The following NRXN3 variants were observed in gnomAD, a reference collection of about 807,000 sequenced individuals.
NRXN3 encodes the protein neurexin III.
NRXN3 carries 32 observed loss-of-function variants against 137.6 expected under a neutral mutation model. That is an observed-to-expected ratio of 0.23 (90% CI 0.18 to 0.31). NRXN3 has a LOEUF of 0.31. Ranked by LOEUF, NRXN3 falls within the 10% of genes least tolerant of loss-of-function variation. The probability of loss-of-function intolerance (pLI) is 1.00; values close to 1 mark genes in which losing one functional copy is unlikely to be tolerated. For missense variants in NRXN3, 1,574 were observed against 2,062.5 expected (o/e 0.76, Z 4.59); for synonymous variants, 798 against 784.5 (o/e 1.02, Z -0.29).
chr14:78,778,715 T>TC (rs1491300055), intron 8 of NRXN3, among the ~76,000 whole-genome samples: 3 of 149,654 alleles, frequency 2.0e-5, no homozygotes, highest in African/African-American at 7.4e-5. Flanking sequence ...TCTTTCTTTC[T>TC]TTCTTTCTTT....
intron 10 of NRXN3, among the ~76,000 whole-genome samples, chr14:78,812,821 T>C (rs1170374262): frequency 1.3e-5 from 2 of 152,200 alleles, no homozygotes; most frequent in South Asian, 2.1e-4. Flanking sequence ...GTTTTTGAGA[T>C]TTTCACAATA....
At chr14:78,426,936 A>T (rs959187426) in intron 4 of NRXN3, among the ~76,000 whole-genome samples, 6 of 152,298 alleles carry the variant, frequency 3.9e-5, no homozygotes, top group African/African-American at 1.4e-4. Flanking sequence ...GATTTGGAAT[A>T]AACATGTTCA....
Position 79,861,645 on chromosome 14 carries a change from T to C in NRXN3, c.4397T>C (p.Phe1466Ser). 6.2e-7 allele frequency: 1 copy of C among 1,614,070 alleles called. No individual in the cohort carries two copies. Among genetic ancestry groups the C allele is most frequent in the Non-Finnish European group, 8.5e-7 (1 of 1,180,032 alleles). The stretch of plus-strand genomic sequence containing the variant: ...AGCCCACTAATTACTTCCCCCATGT[T>C]CCGTAATGTGCCCACAGCAAACCCC... ...LKSPLITSPM[F>S]RNVPTANPTE... Residue 1466 changes from phenylalanine (F) to serine (S), a missense_variant, in exon 21 of 21, where the codon TTC becomes TCC. Physicochemically the swap from Phe to Ser is radical, Grantham distance 155. Around this residue, in one of 5 missense-constraint regions of NRXN3, gnomAD observed 320 missense variants for 387.1 expected, o/e 0.83. Transcript: ENST00000335750. This position sits in a 1 kb window ranked among gnomAD's most constrained non-coding sequence, Gnocchi z 5.4.
chr14:79,214,185 C>T (rs567417828), intron 15 of NRXN3, among the ~76,000 whole-genome samples: 1 of 152,304 alleles, frequency 6.6e-6, no homozygotes, highest in East Asian at 1.9e-4. Flanking sequence ...TTACATATTA[C>T]TCTCTCATAG....
At chr14:78,366,848 C>T (rs941962810) in intron 4 of NRXN3, among the ~76,000 whole-genome samples, 3 of 152,188 alleles carry the variant, frequency 2.0e-5, no homozygotes, top group East Asian at 1.9e-4. Flanking sequence ...GAGATCTGGG[C>T]GTGGACACAG....
chr14:78,758,808 A>G (rs1420272652), intron 8 of NRXN3, among the ~76,000 whole-genome samples: 1 of 152,220 alleles, frequency 6.6e-6, no homozygotes, highest in East Asian at 1.9e-4. Flanking sequence ...CATAAAGCCT[A>G]GAGTGGTGGG....
intron 4 of NRXN3, among the ~76,000 whole-genome samples, chr14:78,576,886 C>T (rs2096941492): frequency 6.6e-6 from 1 of 152,146 alleles, no homozygotes; most frequent in African/African-American, 2.4e-5. Context: ...AAGGGCTGAA[C>T]CAACCCCACT....
At position 79,549,759 on chromosome 14, in the gene NRXN3, G is replaced by T. The variant is rs537047128; in HGVS notation, c.3444+82357G>T. On this transcript the variant is annotated intron_variant, in intron 16 of 20. Transcript: ENST00000335750. ...TGCAGACTCATTACTAACAAAAGTG[G>T]TATGTCCATTATTATGACCTATTTA... Among the ~76,000 whole-genome samples the T allele has an allele frequency of 1.9e-4, 29 of 152,158 alleles. No homozygotes were observed. In the South Asian group the frequency reaches 5.2e-3, roughly 27 times the overall value.
chr14:78,796,005 C>CAGTCTAGGGCTACAGTTCAACCCCAGA (rs1416907667), intron 8 of NRXN3, among the ~76,000 whole-genome samples: 4 of 152,344 alleles, frequency 2.6e-5, no homozygotes, highest in Non-Finnish European at 4.4e-5. Flanking sequence ...TGCCAGTTAT[C>CAGTCTAGGGCTACAGTTCAACCCCAGA]AGTCTAGGGC....
intron 19 of NRXN3, among the ~76,000 whole-genome samples, chr14:79,747,569 G>A (rs1006340684): frequency 1.3e-5 from 2 of 152,056 alleles, no homozygotes; most frequent in Non-Finnish European, 2.9e-5. Flanking sequence ...CAAAGGACAA[G>A]GACTGATCTA....
intron 19 of NRXN3, among the ~76,000 whole-genome samples, chr14:79,728,899 T>C (rs1162214150): frequency 6.6e-6 from 1 of 152,162 alleles, no homozygotes; most frequent in Admixed American, 6.5e-5. Context: ...AGATGCCAAA[T>C]TGTAACATTG....
chr14:78,548,260 G>T (rs2096654739), intron 4 of NRXN3, among the ~76,000 whole-genome samples: 1 of 142,160 alleles, frequency 7.0e-6, no homozygotes, highest in African/African-American at 2.5e-5. Context: ...AAGCTATCTG[G>T]ATATAAGTAT....
chr14:78,591,754 G>C (rs1402305039), intron 4 of NRXN3, among the ~76,000 whole-genome samples: 1 of 152,166 alleles, frequency 6.6e-6, no homozygotes, highest in Non-Finnish European at 1.5e-5. Flanking sequence ...GTGCCTATAA[G>C]AGTAGATACC....
chr14:78,426,160 G>A (rs898847631), intron 4 of NRXN3, among the ~76,000 whole-genome samples: 1 of 152,184 alleles, frequency 6.6e-6, no homozygotes, highest in African/African-American at 2.4e-5. Flanking sequence ...CAAAGGCCAG[G>A]TGGGAGAGGA....
intron 15 of NRXN3, among the ~76,000 whole-genome samples, chr14:79,061,135 A>G (rs1046862508): frequency 6.6e-6 from 1 of 152,244 alleles, no homozygotes; most frequent in African/African-American, 2.4e-5. Context: ...TGATTAATTA[A>G]TTCAATAAGA....
intron 4 of NRXN3, among the ~76,000 whole-genome samples, chr14:78,498,730 C>T (rs374651863): frequency 9.9e-5 from 15 of 152,090 alleles, no homozygotes; most frequent in East Asian, 5.8e-4. Flanking sequence ...TTTAGAAGCA[C>T]GTGAGAAGTA....
chr14:79,841,774 A>G (rs1456076588), intron 20 of NRXN3, among the ~76,000 whole-genome samples: 3 of 152,214 alleles, frequency 2.0e-5, no homozygotes. Context: ...TGCATATTCC[A>G]ATACCTGTTT....
chr14:79,560,911 T>G (rs979851458), intron 16 of NRXN3, among the ~76,000 whole-genome samples: 1 of 152,116 alleles, frequency 6.6e-6, no homozygotes, highest in South Asian at 2.1e-4. Flanking sequence ...TGGCCCTGTG[T>G]TGTCAAGCTG....
chr14:79,757,846 A>G (rs917344802), intron 19 of NRXN3, among the ~76,000 whole-genome samples: 3 of 152,210 alleles, frequency 2.0e-5, no homozygotes, highest in South Asian at 2.1e-4. Context: ...GGAGAGGCCT[A>G]TCATCCGAGA....
Sources: allele counts gnomAD v4.1 joint callset (sites outside exome capture counted in the v4.1 genomes callset), GRCh38; gene constraint gnomAD v4.1.1; regional missense constraint gnomAD v4.1.1; non-coding constraint Gnocchi (gnomAD v3.1); transcripts MANE v1.5; gene names NCBI Gene and HGNC (gene_info 2026-07-23, HGNC 2026-07-21).